Variants in NEBL observed in about 807,000 individuals in gnomAD.
NEBL encodes the protein nebulette.
NEBL carries 122 observed loss-of-function variants against 140.2 expected under a neutral mutation model. The observed-to-expected ratio is 0.87, with a 90% CI of 0.75 to 1.01. The LOEUF (loss-of-function observed/expected upper bound fraction) is 1.01, where lower values mean the gene tolerates loss of function less well. Among genes scored for constraint, NEBL ranks in the 50% least tolerant of loss-of-function variants. NEBL has a pLI of 0.00. For synonymous variants in NEBL, 436 were observed against 398.9 expected (o/e 1.09, Z -1.11); for missense variants, 1,365 against 1,231.3 (o/e 1.11, Z -1.62).
chr10:21,108,142 T>C (rs911747310), intron 2 of NEBL, among the ~76,000 whole-genome samples: 3 of 152,074 alleles, frequency 2.0e-5, no homozygotes, highest in Non-Finnish European at 2.9e-5. Flanking sequence ...TTTGAAGGGG[T>C]TTTTATGTCT....
rs371760760 is a variant in NEBL at position 20,830,912 on chromosome 10, T to TAAAAAA, written c.1671+278_1671+283dup. 1.4e-3 allele frequency among the ~76,000 whole-genome samples: 133 copies of TAAAAAA among 92,340 alleles called. 3 individuals are homozygous for TAAAAAA. In the East Asian group the frequency reaches 0.022, roughly 15 times the overall value. 60.6% of individuals were successfully genotyped at this position (92,340 alleles called of 152,430 possible). A position where few individuals can be genotyped will look rare whatever the true frequency, so the allele number is the denominator to read the frequency against. On this transcript the variant is annotated intron_variant, in intron 16 of 27. Transcript: ENST00000377122. ...GAGTGAGACCTCCATCTCTAAAATTTAAAAAAAAAAAAAAAAAAAAAAAGG... is the reference window on the plus strand; with the variant it reads ...GAGTGAGACCTCCATCTCTAAAATTTAAAAAAAAAAAAAAAAAAAAAAAAAAAAAGG...
At chr10:21,148,353 G>T (rs1487318955) in intron 2 of NEBL, among the ~76,000 whole-genome samples, 1 of 152,156 alleles carries the variant, frequency 6.6e-6, no homozygotes, top group Non-Finnish European at 1.5e-5. Context: ...TTCTGTTAAA[G>T]TATGTGGACT....
intron 26 of NEBL, among the ~76,000 whole-genome samples, chr10:20,807,526 T>C (rs989216507): frequency 6.6e-6 from 1 of 152,210 alleles, no homozygotes; most frequent in Non-Finnish European, 1.5e-5. Flanking sequence ...TAGAATATAA[T>C]AAATTTTATT....
intron 2 of NEBL, among the ~76,000 whole-genome samples, chr10:21,081,706 G>T (rs1836377109): frequency 6.6e-6 from 1 of 152,120 alleles, no homozygotes; most frequent in African/African-American, 2.4e-5. Context: ...CCAGGGATGG[G>T]GGAGGAAAAA....
intron 19 of NEBL, among the ~76,000 whole-genome samples, chr10:20,821,292 T>A (rs1420360229): frequency 6.6e-6 from 1 of 152,194 alleles, no homozygotes; most frequent in Non-Finnish European, 1.5e-5. Flanking sequence ...AATACTCTTA[T>A]CCTTGCTTTA....
At chr10:21,189,829 T>C (rs572702476) in intron 3 of NEBL, among the ~76,000 whole-genome samples, 1 of 152,194 alleles carries the variant, frequency 6.6e-6, no homozygotes, top group Non-Finnish European at 1.5e-5. Flanking sequence ...TCTGAGAAAC[T>C]AATCCAACAA....
At chr10:21,052,958 G>A (rs1245260520) in intron 2 of NEBL, among the ~76,000 whole-genome samples, 2 of 152,176 alleles carry the variant, frequency 1.3e-5, no homozygotes, top group African/African-American at 4.8e-5. Context: ...ACAGTAGGGT[G>A]ACTATAGTCA....
At chr10:20,939,888 TC>T (rs1269242054) in intron 4 of NEBL, among the ~76,000 whole-genome samples, 6 of 152,216 alleles carry the variant, frequency 3.9e-5, no homozygotes, top group African/African-American at 1.4e-4. Context: ...GAGCTAACTA[TC>T]CTACATATAT....
chr10:20,925,465 C>T (rs1833860385), intron 4 of NEBL, among the ~76,000 whole-genome samples: 1 of 152,110 alleles, frequency 6.6e-6, no homozygotes, highest in South Asian at 2.1e-4. Flanking sequence ...CCTTCTCTCT[C>T]TTGACTGGTT....
intron 8 of NEBL, 50 bp downstream of exon 8, chr10:20,859,663 A>G (rs1843456179): frequency 7.9e-7 from 1 of 1,270,134 alleles, no homozygotes; most frequent in East Asian, 2.3e-5. Flanking sequence ...TTCTAAAAAA[A>G]ACAAGAATCA....
rs1390461176 is a variant in NEBL, at chr10:20,783,943, T to C, written c.*1804A>G. 3 of 152,438 alleles carry C rather than the reference T, an allele frequency of 2.0e-5. No individual in the cohort carries two copies. The highest frequency in any genetic ancestry group is 6.5e-5 in the Admixed American group (1 of 15,274). The allele number at this position is 152,438 out of a possible 1,614,324, so 9.4% of individuals were successfully genotyped here. ...TTTTCAACTTTATGTCAGTGACATA[T>C]AGATGCAGCTTCAGTGTAATAAAGC... On this transcript the variant is annotated 3_prime_UTR_variant, in exon 28 of 28. Coordinates refer to ENST00000377122, the MANE Select transcript of NEBL (RefSeq NM_006393.3).
intron 2 of NEBL, among the ~76,000 whole-genome samples, chr10:21,249,503 G>T (rs1315530369): frequency 6.6e-6 from 1 of 151,810 alleles, no homozygotes; most frequent in African/African-American, 2.4e-5. Context: ...TATGGTTTTA[G>T]CTCTTACATT....
At chr10:20,861,279 G>T (rs4747425) in intron 7 of NEBL, among the ~76,000 whole-genome samples, 4,769 of 152,144 alleles carry the variant, frequency 0.031, 141 homozygotes, top group East Asian at 0.11. Flanking sequence ...CCAGGTTCAC[G>T]CCATTCTCCT....
At position 20,935,845 on chromosome 10, in the gene NEBL, C is replaced by T. The variant is rs74415341; in HGVS notation, c.357+25827G>A. On this transcript the variant is annotated intron_variant, in intron 4 of 6. Transcript: ENST00000417816. ...TTTTTCACCTTCAATACATGAGAATCATTATAGGCCCAACTTCCACTCTTA... is the reference window on the plus strand; with the variant it reads ...TTTTTCACCTTCAATACATGAGAATTATTATAGGCCCAACTTCCACTCTTA... Among the ~76,000 whole-genome samples, 273 of 152,170 alleles carry T rather than the reference C, an allele frequency of 1.8e-3. 8 individuals carry two copies. In the East Asian group the frequency reaches 0.044, roughly 25 times the overall value.
intron 26 of NEBL, among the ~76,000 whole-genome samples, chr10:20,798,186 T>C (rs1836760615): frequency 6.7e-6 from 1 of 150,260 alleles, no homozygotes; most frequent in Non-Finnish European, 1.5e-5. Context: ...AAGTAGCAAA[T>C]CTCGCCACAA....
Position 20,845,247 on chromosome 10 carries a change from C to G in NEBL, c.1227+11G>C, listed in dbSNP as rs2131005980. The G allele has an allele frequency of 6.7e-7, 1 of 1,487,270 alleles. No individual in the cohort carries two copies. The highest frequency in any genetic ancestry group is 9.4e-7 in the Non-Finnish European group (1 of 1,065,810). The allele number at this position is 1,487,270 out of a possible 1,614,324, so 92.1% of individuals were successfully genotyped here. ...CTTCATAATATTTAATAATAAACAC[C>G]AAGATCGTACCTCCCTCAGAAGGTT... is the stretch of plus-strand genomic sequence containing the variant. On this transcript the variant is annotated intron_variant, in intron 12 of 27. Coordinates refer to ENST00000377122, the MANE Select transcript of NEBL (RefSeq NM_006393.3).
chr10:20,940,742 G>T (rs529537936), intron 4 of NEBL, among the ~76,000 whole-genome samples: 1 of 151,348 alleles, frequency 6.6e-6, no homozygotes, highest in Admixed American at 6.6e-5. Flanking sequence ...AATAAAAAAT[G>T]ATAAAGGGGA....
intron 4 of NEBL, among the ~76,000 whole-genome samples, chr10:20,886,431 A>C (rs1846526326): frequency 6.6e-6 from 1 of 152,110 alleles, no homozygotes; most frequent in Admixed American, 6.5e-5. Context: ...CAGGAGGCTG[A>C]GGCATGAGAA....
At chr10:21,004,798 T>C (rs1010445309) in intron 3 of NEBL, among the ~76,000 whole-genome samples, 1 of 152,138 alleles carries the variant, frequency 6.6e-6, no homozygotes, top group Admixed American at 6.5e-5. Flanking sequence ...GCCAGGCCCA[T>C]GAATGAGCAT....
Sources: allele counts gnomAD v4.1 joint callset (sites outside exome capture counted in the v4.1 genomes callset), GRCh38; gene constraint gnomAD v4.1.1; transcripts MANE v1.5; gene names NCBI Gene and HGNC (gene_info 2026-07-23, HGNC 2026-07-21).